Variants in IL20RA observed in about 807,000 individuals in gnomAD.
IL20RA encodes interleukin-20 receptor subunit alpha.
In IL20RA, 29 loss-of-function variants were observed where a neutral mutation model predicts 36.5. The ratio of observed to expected loss-of-function variants is 0.79; its 90% confidence interval spans 0.59 to 1.08. The LOEUF is 1.08. Among genes scored for constraint, IL20RA ranks in the 50% least tolerant of loss-of-function variants. The pLI is 0.00. For missense variants in IL20RA, 652 were observed against 668.4 expected (o/e 0.98, Z 0.27); for synonymous variants, 279 against 267.1 (o/e 1.04, Z -0.43).
At chr6:137,014,037 C>T (rs1278575312) in intron 2 of IL20RA, among the ~76,000 whole-genome samples, 2 of 152,212 alleles carry the variant, frequency 1.3e-5, no homozygotes, top group Non-Finnish European at 2.9e-5. Context: ...GCTCTTTGCT[C>T]CACCTAATGG....
At chr6:137,030,275 G>C (rs1435256432) in intron 1 of IL20RA, among the ~76,000 whole-genome samples, 1 of 151,686 alleles carries the variant, frequency 6.6e-6, no homozygotes, top group Non-Finnish European at 1.5e-5. Context: ...TGTAGAGACG[G>C]GGTCTCATTA....
intron 1 of IL20RA, among the ~76,000 whole-genome samples, chr6:137,037,736 C>A (rs899904923): frequency 6.6e-6 from 1 of 152,106 alleles, no homozygotes; most frequent in Non-Finnish European, 1.5e-5. Context: ...ACTGGAAATA[C>A]TGGGAGAGAG....
chr6:137,014,089 A>C (rs1245985295), intron 2 of IL20RA, among the ~76,000 whole-genome samples: 1 of 152,154 alleles, frequency 6.6e-6, no homozygotes, highest in Admixed American at 6.6e-5. Context: ...TTCTCTGCAA[A>C]GTGATTTCTT....
At position 137,044,655 on chromosome 6, in the gene IL20RA, G is replaced by A. The variant is rs965348488; in HGVS notation, c.74C>T (p.Pro25Leu). The A allele has an allele frequency of 9.8e-6, 12 of 1,223,830 alleles. No homozygotes were observed. Among genetic ancestry groups the A allele is most frequent in the African/African-American group, 3.1e-5 (2 of 63,952 alleles). 75.8% of individuals were successfully genotyped at this position (1,223,830 alleles called of 1,614,324 possible). ...GACCCACCTACCTGCCCGTCCCCAA[G>A]GCGCCGCCAGGAGCAACAGCAGCAG... ...PPLLLLLLAA[P>L]WGRAVPCVSG... Residue 25 changes from proline to leucine, a missense_variant, in exon 1 of 7, where the codon CCT (proline) becomes CTT (leucine). Physicochemically the swap from Pro to Leu is moderately conservative, Grantham distance 98. Coordinates refer to ENST00000316649, the MANE Select transcript of IL20RA (RefSeq NM_014432.4).
At chr6:137,024,589 T>C (rs1038427881) in intron 1 of IL20RA, among the ~76,000 whole-genome samples, 1 of 152,198 alleles carries the variant, frequency 6.6e-6, no homozygotes, top group African/African-American at 2.4e-5. Flanking sequence ...AGGTCCAATG[T>C]CTCCTTTTGC....
chr6:137,017,863 T>C (rs1384821975), intron 1 of IL20RA, among the ~76,000 whole-genome samples: 1 of 152,104 alleles, frequency 6.6e-6, no homozygotes, highest in African/African-American at 2.4e-5. Flanking sequence ...TGGTAAAGAA[T>C]TGAGAAACTA....
At chr6:137,014,820 G>A (rs955588523) in intron 2 of IL20RA, among the ~76,000 whole-genome samples, 17 of 151,884 alleles carry the variant, frequency 1.1e-4, no homozygotes, top group Non-Finnish European at 2.4e-4. Flanking sequence ...TTCCATGCAT[G>A]CTACCAGTCT....
In IL20RA at chr6:137,044,780, C is replaced by A; in HGVS notation, c.-52G>T. On this transcript the variant is annotated 5_prime_UTR_variant, in exon 1 of 7. Coordinates refer to ENST00000316649, the MANE Select transcript of IL20RA (RefSeq NM_014432.4). ...GGGGGCAGCAGACTGCTCAGTCCCA[C>A]GCCCGCTGGGGCCAAGCGCGGCCGC... is the stretch of plus-strand genomic sequence containing the variant. 8.3e-7 allele frequency: 1 copy of A among 1,206,268 alleles called. No homozygotes were observed. The highest frequency in any genetic ancestry group is 1.0e-6 in the Non-Finnish European group (1 of 971,410). 74.7% of individuals were successfully genotyped at this position (1,206,268 alleles called of 1,614,324 possible). A position where few individuals can be genotyped will look rare whatever the true frequency, so the allele number is the denominator to read the frequency against.
chr6:137,035,031 T>G (rs1776441064), intron 1 of IL20RA, among the ~76,000 whole-genome samples: 2 of 152,130 alleles, frequency 1.3e-5, no homozygotes, highest in African/African-American at 2.4e-5. Flanking sequence ...GGCCTCCAGC[T>G]TCATCCATGT....
chr6:137,002,532 C>T (rs1396445604), intron 6 of IL20RA, among the ~76,000 whole-genome samples, 177 bp from the exon 7 acceptor site: 1 of 152,154 alleles, frequency 6.6e-6, no homozygotes, highest in East Asian at 1.9e-4. Context: ...AGGCAAGAGA[C>T]CCAAGACACA....
chr6:137,038,350 G>C (rs1776565282), intron 1 of IL20RA, among the ~76,000 whole-genome samples: 1 of 151,074 alleles, frequency 6.6e-6, no homozygotes, highest in African/African-American at 2.4e-5. Context: ...CAAGCAGCTA[G>C]GCATTACCAA....
In IL20RA at chr6:137,030,070, GTTTTTT is replaced by G. The variant is rs1188809232; in HGVS notation, c.89-12973_89-12968del. On this transcript the variant is annotated intron_variant, in intron 1 of 6. Coordinates refer to ENST00000316649, the MANE Select transcript of IL20RA (RefSeq NM_014432.4). ...GGTGGAAAATGTCAGCGGTTTGCGG[GTTTTTT>G]TTTTTTTTTTTTTTTTTTTTTTGAG... is the stretch of plus-strand genomic sequence containing the variant. Among the ~76,000 whole-genome samples, 18 of 62,854 alleles carry G rather than the reference GTTTTTT, an allele frequency of 2.9e-4. No homozygotes were observed. The South Asian group carries it at 7.4e-3, about 26-fold the overall frequency. The allele number at this position is 62,854 out of a possible 152,430, so 41.2% of individuals were successfully genotyped here.
At chr6:137,013,168 A>G (rs1391572282) in intron 2 of IL20RA, among the ~76,000 whole-genome samples, 4 of 152,198 alleles carry the variant, frequency 2.6e-5, no homozygotes, top group African/African-American at 9.7e-5. Context: ...TCCATTAAAA[A>G]TAATATCCCT....
chr6:137,020,966 G>A lies in IL20RA; in HGVS notation c.89-3863C>T, dbSNP rs552262232. Among the ~76,000 whole-genome samples the A allele has an allele frequency of 7.9e-5, 12 of 152,068 alleles. No individual in the cohort carries two copies. In the South Asian group the frequency reaches 8.3e-4, roughly 11 times the overall value. On this transcript the variant is annotated intron_variant, in intron 1 of 6. Transcript: ENST00000316649. ...ACCTGTCATGAGAAAAGTAGGTCAC[G>A]TCTTGATATCAGCCCATCTCTAAAT...
intron 2 of IL20RA, among the ~76,000 whole-genome samples, chr6:137,013,713 A>G (rs1318641213): frequency 6.6e-6 from 1 of 152,194 alleles, no homozygotes; most frequent in Admixed American, 6.5e-5. Flanking sequence ...CTTGGAAACA[A>G]ACTTCACTCA....
chr6:137,025,924 C>A (rs939835315), intron 1 of IL20RA, among the ~76,000 whole-genome samples: 5 of 152,194 alleles, frequency 3.3e-5, no homozygotes, highest in African/African-American at 1.2e-4. Context: ...TCATAAACAG[C>A]CAGGGTAATC....
At position 137,044,755 on chromosome 6, in the gene IL20RA, G is replaced by C. The variant is rs1582847389; in HGVS notation, c.-27C>G. The C allele has an allele frequency of 7.4e-6, 9 of 1,212,416 alleles. 1 individual carries two copies. The highest frequency in any genetic ancestry group is 6.7e-5 in the East Asian group (2 of 29,790). 75.1% of individuals were successfully genotyped at this position (1,212,416 alleles called of 1,614,324 possible). ...GGCGGCGGGGCTGGGTCACATGTCG[G>C]GGGGCAGCAGACTGCTCAGTCCCAC... On this transcript the variant is annotated 5_prime_UTR_variant, in exon 1 of 7. Transcript: ENST00000316649.
chr6:137,028,908 A>G (rs1776182874), intron 1 of IL20RA, among the ~76,000 whole-genome samples: 1 of 152,198 alleles, frequency 6.6e-6, no homozygotes, highest in South Asian at 2.1e-4. Context: ...TTTGCTCAAT[A>G]TAGCATTTCC....
At chr6:137,038,918 T>C (rs1161923195) in intron 1 of IL20RA, among the ~76,000 whole-genome samples, 5 of 152,174 alleles carry the variant, frequency 3.3e-5, no homozygotes, top group Admixed American at 6.5e-5. Flanking sequence ...AAAGGCAACA[T>C]AGAGATATAC....
Sources: allele counts gnomAD v4.1 joint callset (sites outside exome capture counted in the v4.1 genomes callset), GRCh38; gene constraint gnomAD v4.1.1; transcripts MANE v1.5; gene names NCBI Gene and HGNC (gene_info 2026-07-23, HGNC 2026-07-21).